The following PLCH1 variants were observed in gnomAD, a reference collection of about 807,000 sequenced individuals.
PLCH1 encodes the protein phospholipase C eta 1.
Under a neutral mutation model 126.7 loss-of-function variants are expected in PLCH1, and 60 were observed. The ratio of observed to expected loss-of-function variants is 0.47; its 90% CI spans 0.38 to 0.59. PLCH1 has a LOEUF of 0.59. Ranked by LOEUF, PLCH1 falls within the 20% of genes least tolerant of loss-of-function variation. The pLI is 0.00. For missense variants in PLCH1, 1,723 were observed against 2,040.0 expected (o/e 0.84, Z 2.99); for synonymous variants, 719 against 734.9 (o/e 0.98, Z 0.35).
rs147378604 is a variant in PLCH1, at chr3:155,692,733, GATA to G, written c.79+11410_79+11412del. 2.2e-3 allele frequency among the ~76,000 whole-genome samples: 333 copies of G among 151,228 alleles called. 6 individuals are homozygous for G. The East Asian group carries it at 0.028, about 13-fold the overall frequency. On this transcript the variant is annotated intron_variant, in intron 2 of 22. Coordinates refer to ENST00000460012, the MANE Select transcript of PLCH1 (RefSeq NM_014996.4). ...TCATTCTCCTCATTAGCGAAATGAGGATAATATTAGTCCCTCCAATCATTAGCA... is the reference window on the plus strand; with the variant it reads ...TCATTCTCCTCATTAGCGAAATGAGGATATTAGTCCCTCCAATCATTAGCA...
intron 2 of PLCH1, among the ~76,000 whole-genome samples, chr3:155,601,070 G>C (rs182748578): frequency 6.6e-6 from 1 of 152,226 alleles, no homozygotes; most frequent in East Asian, 1.9e-4. Context: ...CGCCTCCCGG[G>C]TTCACGCCAT....
chr3:155,523,362 T>C (rs1487703466), intron 11 of PLCH1, among the ~76,000 whole-genome samples: 12 of 152,308 alleles, frequency 7.9e-5, no homozygotes, highest in African/African-American at 2.9e-4. Context: ...TCCATGCCAC[T>C]TTATTGAAGA....
chr3:155,524,276 T>C (rs1280010583), intron 10 of PLCH1, among the ~76,000 whole-genome samples: 2 of 152,046 alleles, frequency 1.3e-5, no homozygotes, highest in Admixed American at 1.3e-4. Flanking sequence ...AGACAGAAAG[T>C]AAAATGGTGA....
intron 2 of PLCH1, among the ~76,000 whole-genome samples, chr3:155,612,908 T>TAAAAA (rs59489759): frequency 0.15 from 14,408 of 93,418 alleles, 1,519 homozygotes; most frequent in African/African-American, 0.32. Context: ...AACTGTGTAT[T>TAAAAA]AAAAAAAAAA....
intron 2 of PLCH1, among the ~76,000 whole-genome samples, chr3:155,673,727 C>T (rs767097986): frequency 3.9e-5 from 6 of 152,110 alleles, no homozygotes; most frequent in Non-Finnish European, 8.8e-5. Flanking sequence ...TTTCTTCCTG[C>T]TCAGAAATCT....
chr3:155,669,756 C>A (rs1743210366), intron 2 of PLCH1, among the ~76,000 whole-genome samples: 1 of 152,086 alleles, frequency 6.6e-6, no homozygotes, highest in African/African-American at 2.4e-5. Context: ...GTGTGAGAGG[C>A]ACCTGTTTAC....
chr3:155,560,916 T>C (rs1560167329), intron 8 of PLCH1, among the ~76,000 whole-genome samples: 2 of 152,202 alleles, frequency 1.3e-5, no homozygotes, highest in African/African-American at 4.8e-5. Context: ...CAGCTTACCT[T>C]CGAGGGCACT....
At chr3:155,576,544 T>C (rs573569252) in intron 6 of PLCH1, among the ~76,000 whole-genome samples, 21 of 152,324 alleles carry the variant, frequency 1.4e-4, no homozygotes, top group African/African-American at 4.6e-4. Context: ...AGGCCAATAT[T>C]TGATTTCATA....
At chr3:155,523,014 G>A (rs953794529) in intron 11 of PLCH1, among the ~76,000 whole-genome samples, 3 of 151,812 alleles carry the variant, frequency 2.0e-5, no homozygotes, top group Admixed American at 6.6e-5. Flanking sequence ...TCGCTCTGTC[G>A]CCCAGGCTGG....
intron 1 of PLCH1, among the ~76,000 whole-genome samples, chr3:155,717,033 A>T (rs1181191011): frequency 6.6e-6 from 1 of 152,216 alleles, no homozygotes; most frequent in African/African-American, 2.4e-5. Context: ...GCAGAAATTG[A>T]CCAAAAGAAA....
intron 10 of PLCH1, among the ~76,000 whole-genome samples, chr3:155,524,679 A>G (rs1281873466): frequency 1.3e-5 from 2 of 152,174 alleles, no homozygotes; most frequent in African/African-American, 4.8e-5. Flanking sequence ...TAGAGATACT[A>G]TAGTTTGAAA....
intron 1 of PLCH1, among the ~76,000 whole-genome samples, chr3:155,704,908 GAC>G (rs1212585827): frequency 6.6e-6 from 1 of 152,178 alleles, no homozygotes; most frequent in Non-Finnish European, 1.5e-5. Flanking sequence ...CTCCATCACA[GAC>G]ACAGAGAAAC....
At chr3:155,470,139 T>C (rs879321808) in intron 21 of PLCH1, among the ~76,000 whole-genome samples, 1 of 151,352 alleles carries the variant, frequency 6.6e-6, no homozygotes, top group Admixed American at 6.6e-5. Flanking sequence ...AGCTACGGGA[T>C]GACATTCAAA....
At chr3:155,549,220 C>T (rs566879744) in intron 10 of PLCH1, among the ~76,000 whole-genome samples, 3 of 152,274 alleles carry the variant, frequency 2.0e-5, no homozygotes, top group African/African-American at 7.2e-5. Flanking sequence ...CTCAGAAAAT[C>T]TGTTTATGAA....
intron 1 of PLCH1, among the ~76,000 whole-genome samples, chr3:155,734,373 T>C (rs1306583121): frequency 1.3e-5 from 2 of 152,138 alleles, no homozygotes; most frequent in East Asian, 1.9e-4. Flanking sequence ...GGTGGGAGGA[T>C]TGCTTGAGCC....
intron 2 of PLCH1, among the ~76,000 whole-genome samples, chr3:155,643,976 T>C (rs1450038992): frequency 1.3e-5 from 2 of 152,194 alleles, no homozygotes; most frequent in Admixed American, 1.3e-4. Flanking sequence ...TGTTATGATA[T>C]GGTGAAATGC....
At chr3:155,654,221 T>C (rs1289006595) in intron 2 of PLCH1, among the ~76,000 whole-genome samples, 2 of 151,968 alleles carry the variant, frequency 1.3e-5, no homozygotes, top group African/African-American at 4.8e-5. Flanking sequence ...CATGTCATAT[T>C]GGGCAATCCT....
chr3:155,459,232 G>A (rs1363848174), intron 21 of PLCH1, among the ~76,000 whole-genome samples: 2 of 152,156 alleles, frequency 1.3e-5, no homozygotes, highest in African/African-American at 4.8e-5. Flanking sequence ...GTAGTATGAG[G>A]CAGCTAATTG....
intron 2 of PLCH1, among the ~76,000 whole-genome samples, chr3:155,628,095 A>C (rs1737566310): frequency 6.6e-6 from 1 of 152,116 alleles, no homozygotes; most frequent in African/African-American, 2.4e-5. Flanking sequence ...TGAACAAAAA[A>C]GTTACAAAAC....
Sources: allele counts gnomAD v4.1 joint callset (sites outside exome capture counted in the v4.1 genomes callset), GRCh38; gene constraint gnomAD v4.1.1; transcripts MANE v1.5; gene names NCBI Gene and HGNC (gene_info 2026-07-23, HGNC 2026-07-21).